Variants in FAM83G observed in about 807,000 individuals in gnomAD.
The protein encoded by FAM83G is scaffolding CK1 anchoring protein G.
FAM83G carries 38 observed loss-of-function variants against 61.5 expected under a neutral mutation model. That is an observed-to-expected ratio of 0.62 (90% CI 0.48 to 0.81). FAM83G has a LOEUF of 0.81. FAM83G is among the 30% of genes least tolerant of loss of function. FAM83G has a pLI of 0.00. For missense variants in FAM83G, 989 were observed against 1,133.6 expected, an observed-to-expected ratio of 0.87 and a Z score of 1.83; for synonymous variants, 470 against 476.1, an observed-to-expected ratio of 0.99 and a Z score of 0.17.
chr17:18,973,021 C>T (rs543250678), intron 5 of FAM83G, among the ~76,000 whole-genome samples: 5 of 152,368 alleles, frequency 3.3e-5, no homozygotes, highest in African/African-American at 1.2e-4. Flanking sequence ...ATCCGCCATG[C>T]CTCATGGGAG....
Position 18,978,541 on chromosome 17 carries a change from C to T in FAM83G, c.1125G>A (p.Gly375=), listed in dbSNP as rs761010779. 2 of 1,613,314 alleles carry T rather than the reference C, an allele frequency of 1.2e-6. No individual in the cohort carries two copies. Among genetic ancestry groups the T allele is most frequent in the Non-Finnish European group, 1.7e-6 (2 of 1,179,986 alleles). The part of the protein sequence containing the change: ...SEKQEAKKPL[G]LKGPALAEHP... ...GCTCAGCCAGCGCTGGGCCTTTCAGCCCCAGGGGCTTCTTGGCCTCCTGCT... is the reference window on the plus strand; with the variant it reads ...GCTCAGCCAGCGCTGGGCCTTTCAGTCCCAGGGGCTTCTTGGCCTCCTGCT... Residue 375 remains glycine, a synonymous_variant, in exon 5 of 6, where the codon GGG becomes GGA. Coordinates refer to ENST00000388995, the MANE Select transcript of FAM83G (RefSeq NM_001039999.3).
In FAM83G at chr17:18,970,944, AG is replaced by A. The variant is rs1384957494; in HGVS notation, c.*414del. The A allele has an allele frequency of 1.2e-5, 17 of 1,467,888 alleles. No individual in the cohort carries two copies. The East Asian group carries it at 2.3e-4, about 20-fold the overall frequency. 90.9% of individuals were successfully genotyped at this position (1,467,888 alleles called of 1,614,324 possible). A position where few individuals can be genotyped will look rare whatever the true frequency, so the allele number is the denominator to read the frequency against. On this transcript the variant is annotated 3_prime_UTR_variant, in exon 6 of 6. Transcript: ENST00000388995. ...AGGAAGTTTCTTGTGAGATGAAGGC[AG>A]GGGGGAGCCCAGGGAGTCAGGGCCC...
At chr17:18,985,125 A>T (rs1230439323) in intron 3 of FAM83G, among the ~76,000 whole-genome samples, 1 of 152,166 alleles carries the variant, frequency 6.6e-6, no homozygotes, top group Non-Finnish European at 1.5e-5. Context: ...GCCGCTCAGC[A>T]CTCAGACCAG....
At position 18,976,799 on chromosome 17, in the gene FAM83G, C is replaced by G. The variant is rs1262196794; in HGVS notation, c.2082+785G>C. On this transcript the variant is annotated intron_variant, in intron 5 of 5. Transcript: ENST00000388995. ...CCCTGAGGCCCACCAAGGACCAATC[C>G]TGACACAAGTGTCCCTCAGGCTTGG... The G allele has an allele frequency of 1.9e-6, 3 of 1,599,178 alleles. No homozygotes were observed. In the East Asian group the frequency reaches 6.7e-5, roughly 36 times the overall value.
In FAM83G at chr17:18,970,636, A is replaced by T. The variant is rs1597832440; in HGVS notation, c.*723T>A. 3.5e-6 allele frequency: 1 copy of T among 281,874 alleles called. No homozygotes were observed. The highest frequency in any genetic ancestry group is 8.7e-5 in the East Asian group (1 of 11,478). 17.5% of individuals were successfully genotyped at this position (281,874 alleles called of 1,614,324 possible). A position where few individuals can be genotyped will look rare whatever the true frequency, so the allele number is the denominator to read the frequency against. On this transcript the variant is annotated 3_prime_UTR_variant, in exon 6 of 6. Coordinates refer to ENST00000388995, the MANE Select transcript of FAM83G (RefSeq NM_001039999.3). ...TTTAGAAGCCTCAGGAAGGTCCTCAAATGTCAAGAAAAATTACTTTTGCTT... is the reference window on the plus strand; with the variant it reads ...TTTAGAAGCCTCAGGAAGGTCCTCATATGTCAAGAAAAATTACTTTTGCTT...
Position 18,988,260 on chromosome 17 carries a change from A to G in FAM83G, c.677T>C (p.Leu226Pro), listed in dbSNP as rs1308750581. The G allele has an allele frequency of 6.2e-7, 1 of 1,609,626 alleles. No homozygotes were observed. Residue 226 changes from leucine to proline, a missense_variant, in exon 3 of 6, where the codon CTG becomes CCG. Leu to Pro is a moderately conservative substitution (Grantham distance 98). Transcript: ENST00000388995. ...GAGCCTGCTCACCTTGAGGTGCCCC[A>G]GGTGCATGCAGGCCCGCTCACACAT... ...LHMCERACMH[L>P]GHLKNLRVRS... is the part of the protein sequence containing the mutation.
rs1172524680 is a variant in FAM83G at position 19,004,140 on chromosome 17, G to A, written c.-99C>T. ...GCACCGCGCGCTCGGGGGCCTCTCCGCGGCCTCTGCTTCTCTGCCCATGAG... is the reference window on the plus strand; with the variant it reads ...GCACCGCGCGCTCGGGGGCCTCTCCACGGCCTCTGCTTCTCTGCCCATGAG... On this transcript the variant is annotated 5_prime_UTR_variant, in exon 2 of 6. Transcript: ENST00000388995. The surrounding 1 kb of genome is among the most constrained non-coding windows in gnomAD (Gnocchi z 5.4). 8.3e-7 allele frequency: 1 copy of A among 1,200,050 alleles called. No individual in the cohort carries two copies. The highest frequency in any genetic ancestry group is 2.5e-5 in the Admixed American group (1 of 39,516). The allele number at this position is 1,200,050 out of a possible 1,614,324, so 74.3% of individuals were successfully genotyped here. A position where few individuals can be genotyped will look rare whatever the true frequency, so the allele number is the denominator to read the frequency against.
chr17:18,973,737 G>C (rs1475324530), intron 5 of FAM83G, among the ~76,000 whole-genome samples: 1 of 152,038 alleles, frequency 6.6e-6, no homozygotes, highest in Admixed American at 6.6e-5. Flanking sequence ...TTGCTCTGTT[G>C]CTCAGGCTGG....
intron 3 of FAM83G, among the ~76,000 whole-genome samples, chr17:18,981,093 G>A (rs1597855289): frequency 6.6e-6 from 1 of 152,348 alleles, no homozygotes; most frequent in East Asian, 1.9e-4. Flanking sequence ...CAGCTGCAGA[G>A]ATGCCTGTGA....
At chr17:19,001,075 G>A (rs980611996) in intron 2 of FAM83G, among the ~76,000 whole-genome samples, 3 of 152,146 alleles carry the variant, frequency 2.0e-5, no homozygotes, top group African/African-American at 7.2e-5. Flanking sequence ...AGGTGACCTT[G>A]GGCAGCGACT....
chr17:18,989,604 G>C (rs534853249), intron 2 of FAM83G, among the ~76,000 whole-genome samples: 3 of 152,352 alleles, frequency 2.0e-5, no homozygotes, highest in Admixed American at 2.0e-4. Flanking sequence ...TCTCTCAGGA[G>C]AATGGAGCAC....
At chr17:18,987,309 TG>T (rs2043294994) in intron 3 of FAM83G, among the ~76,000 whole-genome samples, 1 of 152,154 alleles carries the variant, frequency 6.6e-6, no homozygotes, top group African/African-American at 2.4e-5. Flanking sequence ...ATCTGCAAAA[TG>T]GGAACAACTC....
At chr17:18,998,516 T>G (rs2043628135) in intron 2 of FAM83G, among the ~76,000 whole-genome samples, 1 of 152,066 alleles carries the variant, frequency 6.6e-6, no homozygotes, top group Non-Finnish European at 1.5e-5. Flanking sequence ...TCCCCAGCTG[T>G]GATATGAACA....
chr17:18,969,411 T>C lies in FAM83G; in HGVS notation c.*1948A>G, dbSNP rs1242266517. 3.1e-6 allele frequency: 5 copies of C among 1,613,744 alleles called. No individual in the cohort carries two copies. On this transcript the variant is annotated 3_prime_UTR_variant, in exon 6 of 6. Coordinates refer to ENST00000388995, the MANE Select transcript of FAM83G (RefSeq NM_001039999.3). ...ATCATGGTGGTGGGGGCTGTCATCCTGACAATCAAAGGTGAGGACAGAGTC... is the reference window on the plus strand; with the variant it reads ...ATCATGGTGGTGGGGGCTGTCATCCCGACAATCAAAGGTGAGGACAGAGTC...
chr17:19,003,959 C>T lies in FAM83G; in HGVS notation c.83G>A (p.Ser28Asn). 1 of 1,612,940 alleles carries T rather than the reference C, an allele frequency of 6.2e-7. No individual in the cohort carries two copies. The highest frequency in any genetic ancestry group is 8.5e-7 in the Non-Finnish European group (1 of 1,179,926). Residue 28 changes from serine (S) to asparagine (N), a missense_variant, in exon 2 of 6, where the codon AGC becomes AAC. Physicochemically the swap from Ser to Asn is conservative, Grantham distance 46. Around this residue, in one of 3 missense-constraint regions of FAM83G, gnomAD observed 371 missense variants for 404.5 expected, o/e 0.92. Transcript: ENST00000388995. The surrounding 1 kb of genome is among the most constrained non-coding windows in gnomAD (Gnocchi z 4.5). ...SSESKPEFFYSEEQRLALEAL... is the reference protein window; with the variant it reads ...SSESKPEFFYNEEQRLALEAL... ...CTCCAGCGCCAGCCGCTGCTCCTCG[C>T]TGTAGAAGAACTCAGGCTTGGACTC... is the stretch of plus-strand genomic sequence containing the variant.
Position 18,969,090 on chromosome 17 carries a change from C to T in FAM83G, c.*2269G>A. ...CGGGGGCTCTGTTTGTGCACATCTGCCTGGGCTGGAACTTCTACCTCTCCA... is the reference window on the plus strand; with the variant it reads ...CGGGGGCTCTGTTTGTGCACATCTGTCTGGGCTGGAACTTCTACCTCTCCA... On this transcript the variant is annotated 3_prime_UTR_variant, in exon 6 of 6. Transcript: ENST00000388995. The T allele has an allele frequency of 1.2e-6, 2 of 1,614,126 alleles. No individual in the cohort carries two copies. Among genetic ancestry groups the T allele is most frequent in the Non-Finnish European group, 1.7e-6 (2 of 1,179,982 alleles).
rs776158769 is a variant in FAM83G at position 18,971,199 on chromosome 17, G to C, written c.*160C>G. The C allele has an allele frequency of 6.2e-7, 1 of 1,613,950 alleles. No homozygotes were observed. The highest frequency in any genetic ancestry group is 1.7e-5 in the Admixed American group (1 of 60,032). ...TTTGGCCTGACCATCATGGCCACCTGGTACTGGTGCACCGACCAGGTGAGT... is the reference window on the plus strand; with the variant it reads ...TTTGGCCTGACCATCATGGCCACCTCGTACTGGTGCACCGACCAGGTGAGT... On this transcript the variant is annotated 3_prime_UTR_variant, in exon 6 of 6. Coordinates refer to ENST00000388995, the MANE Select transcript of FAM83G (RefSeq NM_001039999.3). The surrounding 1 kb of genome is among the most constrained non-coding windows in gnomAD (Gnocchi z 5.5).
At chr17:19,001,753 C>G (rs949244145) in intron 2 of FAM83G, among the ~76,000 whole-genome samples, 1 of 152,196 alleles carries the variant, frequency 6.6e-6, no homozygotes, top group African/African-American at 2.4e-5. Context: ...CTGGGGTCAG[C>G]AGGTGAAGTC....
At chr17:18,981,786 C>CTGCA (rs761307735) in intron 3 of FAM83G, among the ~76,000 whole-genome samples, 22 of 152,080 alleles carry the variant, frequency 1.4e-4, no homozygotes, top group Non-Finnish European at 3.2e-4. Context: ...ACCCCGCAGG[C>CTGCA]TGCAGGTTTG....
Sources: gnomAD v4.1 joint callset for allele counts (sites outside exome capture counted in the v4.1 genomes callset) on GRCh38, gnomAD v4.1.1 for gene constraint, gnomAD v4.1.1 regional missense constraint, Gnocchi (gnomAD v3.1) non-coding constraint, MANE v1.5 for transcripts, NCBI Gene and HGNC (gene_info 2026-07-23, HGNC 2026-07-21) for gene names.